DHX29: variants seen among roughly 807,000 people sequenced by gnomAD.
DHX29 encodes the protein ATP-dependent RNA helicase DHX29.
Under a neutral mutation model 167.9 loss-of-function variants are expected in DHX29, and 79 were observed. The observed-to-expected ratio is 0.47, with a 90% CI of 0.39 to 0.57. The LOEUF (loss-of-function observed/expected upper bound fraction) is 0.57. DHX29 is among the 20% of genes least tolerant of loss of function. The pLI is 0.00. For synonymous variants in DHX29, 530 were observed against 546.0 expected, an observed-to-expected ratio of 0.97 and a Z score of 0.41; for missense variants, 1,347 against 1,593.4, an observed-to-expected ratio of 0.85 and a Z score of 2.63.
In DHX29 at chr5:55,262,895, G is replaced by C. The variant is rs753764216; in HGVS notation, c.3563C>G (p.Ala1188Gly). ...AGAAGTTGTGGAAGATGAAAATCCT[G>C]CTGCCTTAACCAACTTTATTAACTC... The part of the protein sequence containing the change: ...KQELIKLVKA[A>G]GFSSSTTSTS... Residue 1188 changes from alanine (A) to glycine (G), a missense_variant, in exon 24 of 27, where the codon GCA (alanine) becomes GGA (glycine). This residue lies in a region of DHX29 where 882 missense variants were observed against 1,082.4 expected (regional missense o/e 0.81). Coordinates refer to ENST00000251636, the MANE Select transcript of DHX29 (RefSeq NM_019030.4). The C allele has an allele frequency of 1.2e-6, 2 of 1,613,840 alleles. No individual in the cohort carries two copies. The highest frequency in any genetic ancestry group is 2.2e-5 in the South Asian group (2 of 91,040).
intron 16 of DHX29, among the ~76,000 whole-genome samples, chr5:55,274,012 C>T (rs556687938): frequency 1.2e-4 from 18 of 150,512 alleles, no homozygotes; most frequent in African/African-American, 1.7e-4. Flanking sequence ...CACTTGAACC[C>T]GGAGGCAGAG....
intron 1 of DHX29, 148 bp from the exon 2 acceptor site, chr5:55,298,812 T>C (rs960439305): frequency 2.7e-5 from 11 of 400,806 alleles, no homozygotes; most frequent in South Asian, 5.9e-5. Context: ...GGGTGGATCA[T>C]GAGGTCAGGA....
At position 55,262,575 on chromosome 5, in the gene DHX29, G is replaced by A. The variant is rs972256510; in HGVS notation, c.3828+55C>T. 9.5e-6 allele frequency: 15 copies of A among 1,572,832 alleles called. No homozygotes were observed. The Admixed American group carries it at 1.1e-4, about 11-fold the overall frequency. On this transcript the variant is annotated intron_variant, in intron 24 of 26. Coordinates refer to ENST00000251636, the MANE Select transcript of DHX29 (RefSeq NM_019030.4). ...CTGTTAGGGCATCCTAACTTGTTAT[G>A]AATGACTTGCAGAATAATGCTCTGA...
chr5:55,276,279 A>T lies in DHX29; in HGVS notation c.2414T>A (p.Ile805Lys). 6.3e-7 allele frequency: 1 copy of T among 1,575,586 alleles called. No individual in the cohort carries two copies. The highest frequency in any genetic ancestry group is 2.1e-5 in the Admixed American group (1 of 47,466). Reference protein sequence around the residue: ...TINVTSKAGGIKKYQEYIPVQ... With the variant: ...TINVTSKAGGKKKYQEYIPVQ... ...TTTTCTTTTTACCTGATATTTTTTT[A>T]TTCCCCCTGCTTTGCTTGTAACATT... The change falls in exon 14 of 27, where the codon ATA becomes AAA. Residue 805 changes from isoleucine (I) to lysine (K), a missense_variant. Ile to Lys is a moderately radical substitution (Grantham distance 102). Transcript: ENST00000251636.
At chr5:55,256,687 TATAAA>T in intron 26 of DHX29, 147 bp from the exon 27 acceptor site, 1 of 571,122 alleles carries the variant, frequency 1.8e-6, no homozygotes, top group Non-Finnish European at 2.8e-6. Context: ...TAGAGACACC[TATAAA>T]ATATTTTTTG....
At chr5:55,289,190 G>C in intron 8 of DHX29, 80 bp downstream of exon 8, 7 of 1,399,612 alleles carry the variant, frequency 5.0e-6, no homozygotes, top group Non-Finnish European at 6.5e-6. Context: ...AGAATGCAAA[G>C]TAACGAATTT....
In DHX29 at chr5:55,283,647, T is replaced by A; in HGVS notation, c.1521A>T (p.Gln507His). The change falls in exon 11 of 27, where the codon CAA (glutamine) becomes CAT (histidine). Residue 507 changes from glutamine to histidine, a missense_variant. Physicochemically the swap from Gln to His is conservative, Grantham distance 24. This residue lies in a region of DHX29 where 882 missense variants were observed against 1,082.4 expected (regional missense o/e 0.81). Transcript: ENST00000251636. ...TTTCTCTCTTATTTTCAGAATGCTG[T>A]TGTTGCTGCTGTTGCTGCTGTTTCA... ...NKLKQQQQQQ[Q>H]QHSENKRENS... 6.2e-7 allele frequency: 1 copy of A among 1,614,140 alleles called. No homozygotes were observed. The highest frequency in any genetic ancestry group is 1.3e-5 in the African/African-American group (1 of 75,042).
chr5:55,292,193 A>G (rs1748082295), intron 6 of DHX29, among the ~76,000 whole-genome samples: 1 of 152,060 alleles, frequency 6.6e-6, no homozygotes, highest in African/African-American at 2.4e-5. Flanking sequence ...TATTATTTCC[A>G]GTTTTTTTTG....
intron 22 of DHX29, 62 bp downstream of exon 22, chr5:55,267,624 T>A: frequency 7.0e-7 from 1 of 1,425,966 alleles, no homozygotes. Context: ...AAAGGTAATA[T>A]ATTTTAAAGT....
chr5:55,281,889 G>A (rs1267678644), intron 11 of DHX29, among the ~76,000 whole-genome samples: 1 of 151,256 alleles, frequency 6.6e-6, no homozygotes, highest in Non-Finnish European at 1.5e-5. Flanking sequence ...GGGTTCAAGC[G>A]ATTCTCTTGT....
chr5:55,293,171 C>G (rs1748137098), intron 6 of DHX29, among the ~76,000 whole-genome samples: 1 of 152,202 alleles, frequency 6.6e-6, no homozygotes, highest in East Asian at 1.9e-4. Context: ...CAACTTCTAC[C>G]ATTTGCTTGT....
At chr5:55,307,329 T>G in intron 1 of DHX29, 58 bp downstream of exon 1, 1 of 1,490,456 alleles carries the variant, frequency 6.7e-7, no homozygotes, top group Non-Finnish European at 9.1e-7. Flanking sequence ...GGCCCTTTCC[T>G]CAGGACAAGC....
In DHX29 at chr5:55,307,658, C is replaced by G; in HGVS notation, c.-85G>C. 14 of 1,520,248 alleles carry G rather than the reference C, an allele frequency of 9.2e-6. No homozygotes were observed. The South Asian group carries it at 1.4e-4, about 15-fold the overall frequency. 94.2% of individuals were successfully genotyped at this position (1,520,248 alleles called of 1,614,324 possible). A position where few individuals can be genotyped will look rare whatever the true frequency, so the allele number is the denominator to read the frequency against. ...CGAGAGCTCTTCACATTCCCCGGCT[C>G]CGGGGCTGCCACCCTGCGCTTCGAT... On this transcript the variant is annotated 5_prime_UTR_variant, in exon 1 of 27. Coordinates refer to ENST00000251636, the MANE Select transcript of DHX29 (RefSeq NM_019030.4).
chr5:55,298,457 G>A (rs10940461), intron 2 of DHX29, 134 bp downstream of exon 2: 59,283 of 572,694 alleles, frequency 0.1, 3,704 homozygotes, highest in East Asian at 0.26. Context: ...ATTTTTAGTA[G>A]AGATTAGCTC....
chr5:55,296,897 C>A (rs1466442574), intron 3 of DHX29, among the ~76,000 whole-genome samples: 4 of 152,122 alleles, frequency 2.6e-5, no homozygotes, highest in Non-Finnish European at 4.4e-5. Context: ...CAAATCCAGA[C>A]CCTGTTTACT....
chr5:55,290,127 G>C, intron 7 of DHX29, 91 bp downstream of exon 7: 2 of 1,420,478 alleles, frequency 1.4e-6, no homozygotes, highest in South Asian at 2.8e-5. Flanking sequence ...GAAAAGGGTA[G>C]ACATATTAAA....
intron 19 of DHX29, 32 bp downstream of exon 19, chr5:55,270,546 A>G (rs1377147446): frequency 6.2e-7 from 1 of 1,613,834 alleles, no homozygotes; most frequent in Admixed American, 1.7e-5. Context: ...ATACTGGTTT[A>G]TGTGTTTTAC....
chr5:55,262,463 G>A (rs1459858667), intron 24 of DHX29, among the ~76,000 whole-genome samples, 167 bp downstream of exon 24: 1 of 152,158 alleles, frequency 6.6e-6, no homozygotes, highest in African/African-American at 2.4e-5. Context: ...GAGAAAATAA[G>A]CATTCTTTTG....
At chr5:55,281,616 G>T in intron 11 of DHX29, 101 bp from the exon 12 acceptor site, 2 of 743,914 alleles carry the variant, frequency 2.7e-6, no homozygotes, top group Non-Finnish European at 4.1e-6. Context: ...GTTAAATGGA[G>T]CATTGTAAGT....
Sources: allele counts gnomAD v4.1 joint callset (sites outside exome capture counted in the v4.1 genomes callset), GRCh38; gene constraint gnomAD v4.1.1; regional missense constraint gnomAD v4.1.1; transcripts MANE v1.5; gene names NCBI Gene and HGNC (gene_info 2026-07-23, HGNC 2026-07-21).